The following ARHGAP15 variants were observed in gnomAD, a reference collection of about 807,000 sequenced individuals.
The protein encoded by ARHGAP15 is Rho GTPase activating protein 15.
ARHGAP15 carries 51 observed loss-of-function variants against 63.7 expected under a neutral mutation model. The ratio of observed to expected loss-of-function variants is 0.80; its 90% confidence interval spans 0.64 to 1.01. The LOEUF (loss-of-function observed/expected upper bound fraction) is 1.01. ARHGAP15 is among the 50% of genes least tolerant of loss of function. ARHGAP15 has a pLI of 0.00. For synonymous variants in ARHGAP15, 191 were observed against 193.8 expected (o/e 0.99, Z 0.12); for missense variants, 560 against 564.6 (o/e 0.99, Z 0.08).
At chr2:143,635,504 C>T (rs993525514) in intron 12 of ARHGAP15, among the ~76,000 whole-genome samples, 5 of 152,184 alleles carry the variant, frequency 3.3e-5, no homozygotes, top group Non-Finnish European at 7.4e-5. Flanking sequence ...CCTTAAATAG[C>T]TTCTAGGACT....
chr2:143,581,337 T>C (rs769426195), intron 11 of ARHGAP15, among the ~76,000 whole-genome samples: 10 of 152,066 alleles, frequency 6.6e-5, no homozygotes, highest in Admixed American at 2.0e-4. Flanking sequence ...CTATGTGTCA[T>C]TGCCCACACT....
At chr2:143,762,086 C>A (rs990125468) in intron 13 of ARHGAP15, among the ~76,000 whole-genome samples, 2 of 152,030 alleles carry the variant, frequency 1.3e-5, no homozygotes, top group Non-Finnish European at 2.9e-5. Context: ...CAGTTTGGGG[C>A]CTTTTTTTCT....
At chr2:143,671,414 T>TGATTTAG (rs1682520178) in intron 12 of ARHGAP15, among the ~76,000 whole-genome samples, 1 of 152,180 alleles carries the variant, frequency 6.6e-6, no homozygotes, top group Non-Finnish European at 1.5e-5. Flanking sequence ...GCATCATTCT[T>TGATTTAG]GATTTAGGAG....
chr2:143,542,722 A>G (rs1028831232), intron 10 of ARHGAP15, among the ~76,000 whole-genome samples: 2 of 113,666 alleles, frequency 1.8e-5, no homozygotes, highest in Admixed American at 1.0e-4. Flanking sequence ...GATATATATA[A>G]TATCACATAT....
intron 12 of ARHGAP15, among the ~76,000 whole-genome samples, chr2:143,657,979 T>A (rs142799691): frequency 4.1e-4 from 63 of 152,358 alleles, no homozygotes; most frequent in East Asian, 1.3e-3. Flanking sequence ...CAATATACAT[T>A]TTTTGAAAAC....
intron 1 of ARHGAP15, among the ~76,000 whole-genome samples, chr2:143,147,445 C>G (rs1465788093): frequency 6.6e-6 from 1 of 151,904 alleles, no homozygotes; most frequent in Non-Finnish European, 1.5e-5. Flanking sequence ...TACTTATGCC[C>G]CTTATGGCTC....
chr2:143,146,542 T>G (rs1689598112), intron 1 of ARHGAP15, among the ~76,000 whole-genome samples: 1 of 151,996 alleles, frequency 6.6e-6, no homozygotes, highest in African/African-American at 2.4e-5. Flanking sequence ...GTTTCTTGGT[T>G]TGGCTGTAAT....
chr2:143,461,654 A>C (rs1029288516), intron 8 of ARHGAP15, among the ~76,000 whole-genome samples: 5 of 152,236 alleles, frequency 3.3e-5, no homozygotes, highest in African/African-American at 1.2e-4. Context: ...ATGTTTAAAC[A>C]GACAAATTAA....
chr2:143,413,966 T>TGTGTGCGTGCGCGCGCGCGCGCGC, intron 6 of ARHGAP15, among the ~76,000 whole-genome samples: 3 of 117,924 alleles, frequency 2.5e-5, no homozygotes, highest in Admixed American at 1.8e-4. Flanking sequence ...TGTGTGTGTG[T>TGTGTGCGTGCGCGCGCGCGCGCGC]GCGCGCTCTC....
chr2:143,542,398 C>T (rs923774607), intron 10 of ARHGAP15, among the ~76,000 whole-genome samples: 89 of 152,096 alleles, frequency 5.9e-4, no homozygotes, highest in African/African-American at 1.8e-3. Context: ...AACCACTGTC[C>T]GGCACTCCCC....
intron 11 of ARHGAP15, among the ~76,000 whole-genome samples, chr2:143,557,927 G>T (rs1695875069): frequency 6.6e-6 from 1 of 152,074 alleles, no homozygotes; most frequent in Non-Finnish European, 1.5e-5. Flanking sequence ...CTCTCTCCTT[G>T]TATCCTTGGC....
chr2:143,594,620 T>G (rs372862105), intron 11 of ARHGAP15, among the ~76,000 whole-genome samples: 123 of 152,238 alleles, frequency 8.1e-4, no homozygotes, highest in African/African-American at 2.8e-3. Flanking sequence ...CAAGAGAAAT[T>G]CACAGCCTAT....
At chr2:143,745,232 T>G (rs1686117567) in intron 13 of ARHGAP15, among the ~76,000 whole-genome samples, 1 of 152,256 alleles carries the variant, frequency 6.6e-6, no homozygotes, top group African/African-American at 2.4e-5. Context: ...TTCTGCTGAA[T>G]GGCACATTCC....
chr2:143,413,571 A>C (rs1194438736), intron 6 of ARHGAP15, among the ~76,000 whole-genome samples: 1 of 152,202 alleles, frequency 6.6e-6, no homozygotes, highest in African/African-American at 2.4e-5. Flanking sequence ...CTTTCACTTA[A>C]GTGATCCTCC....
chr2:143,200,476 A>G (rs1424632009), intron 2 of ARHGAP15, among the ~76,000 whole-genome samples: 1 of 151,994 alleles, frequency 6.6e-6, no homozygotes, highest in African/African-American at 2.4e-5. Flanking sequence ...ACCAAAAACA[A>G]TAAAGTCCTT....
chr2:143,649,466 G>C (rs1681055232), intron 12 of ARHGAP15, among the ~76,000 whole-genome samples: 4 of 151,786 alleles, frequency 2.6e-5, no homozygotes, highest in Admixed American at 2.6e-4. Flanking sequence ...TTTTAGTTGG[G>C]AGTTTATAAC....
At chr2:143,738,950 T>C (rs1177316615) in intron 13 of ARHGAP15, among the ~76,000 whole-genome samples, 1 of 152,182 alleles carries the variant, frequency 6.6e-6, no homozygotes, top group African/African-American at 2.4e-5. Context: ...AATATTCTGG[T>C]GAATGATCAT....
At chr2:143,227,534 A>G (rs1177231666) in intron 4 of ARHGAP15, among the ~76,000 whole-genome samples, 1 of 152,180 alleles carries the variant, frequency 6.6e-6, no homozygotes, top group African/African-American at 2.4e-5. Context: ...GAAGGCACAT[A>G]TGACAAAGCA....
intron 11 of ARHGAP15, among the ~76,000 whole-genome samples, chr2:143,584,741 A>G (rs1414411791): frequency 3.9e-5 from 6 of 152,240 alleles, no homozygotes; most frequent in Non-Finnish European, 7.3e-5. Context: ...AAGTTAGGTC[A>G]TATTAGGTTG....
Sources: gnomAD v4.1 joint callset for allele counts (sites outside exome capture counted in the v4.1 genomes callset) on GRCh38, gnomAD v4.1.1 for gene constraint, MANE v1.5 for transcripts, NCBI Gene and HGNC (gene_info 2026-07-23, HGNC 2026-07-21) for gene names.